The following OR2L13 variants were observed in gnomAD, a reference collection of about 807,000 sequenced individuals.
The protein encoded by OR2L13 is olfactory receptor 2L13.
Under a neutral mutation model 15.3 loss-of-function variants are expected in OR2L13, and 14 were observed. The observed-to-expected ratio is 0.91, with a 90% CI of 0.60 to 1.43. The LOEUF is 1.43. Ranked by LOEUF, OR2L13 falls within the 40% of genes most tolerant of loss-of-function variation. The pLI is 0.00. For missense variants in OR2L13, 367 were observed against 387.9 expected (o/e 0.95, Z 0.45); for synonymous variants, 152 against 142.9 (o/e 1.06, Z -0.45).
At chr1:248,012,331 C>G in the OR2L13 span, among the ~76,000 whole-genome samples, 2 of 152,142 alleles carry the variant, frequency 1.3e-5, no homozygotes, top group Non-Finnish European at 2.9e-5. Context: ...GTCCTGAGAT[C>G]CAGACGGCAG....
At chr1:248,003,075 A>G in the OR2L13 span, 1 of 883,220 alleles carries the variant, frequency 1.1e-6, no homozygotes, top group African/African-American at 1.6e-5. Context: ...GATAAGGATG[A>G]ATTTCTGTCT....
At chr1:247,991,172 G>A in the OR2L13 span, 7 of 1,604,182 alleles carry the variant, frequency 4.4e-6, no homozygotes, top group African/African-American at 2.7e-5. Context: ...GCCCTGACAC[G>A]AGTGATTCAG....
At chr1:248,051,736 A>C in the OR2L13 span, among the ~76,000 whole-genome samples, 2 of 152,120 alleles carry the variant, frequency 1.3e-5, no homozygotes, top group African/African-American at 4.8e-5. Context: ...ATAAAAAAAA[A>C]TCCAAAAATG....
At chr1:248,073,530 T>G in the OR2L13 span, among the ~76,000 whole-genome samples, 2 of 151,860 alleles carry the variant, frequency 1.3e-5, no homozygotes, top group African/African-American at 4.8e-5. Context: ...AATGCTAAAT[T>G]ATGAGTTAAT....
chr1:248,049,943 G>A, the OR2L13 span, among the ~76,000 whole-genome samples: 172 of 152,204 alleles, frequency 1.1e-3, no homozygotes, highest in African/African-American at 3.9e-3. Flanking sequence ...TGTGTTTGTG[G>A]ATCTAGAGGA....
the OR2L13 span, among the ~76,000 whole-genome samples, chr1:247,955,793 T>C: frequency 1.3e-5 from 2 of 152,160 alleles, no homozygotes; most frequent in Non-Finnish European, 2.9e-5. Flanking sequence ...ATGGGATTGT[T>C]TTTTTCTTGT....
At chr1:248,034,308 A>G in the OR2L13 span, among the ~76,000 whole-genome samples, 1 of 152,208 alleles carries the variant, frequency 6.6e-6, no homozygotes, top group Non-Finnish European at 1.5e-5. Context: ...TCTCAAATTC[A>G]TATGGAACCA....
chr1:247,957,125 A>G, the OR2L13 span, among the ~76,000 whole-genome samples: 3 of 143,146 alleles, frequency 2.1e-5, no homozygotes, highest in Non-Finnish European at 3.1e-5. Context: ...TCCCTTCAAT[A>G]CCTAATTTAT....
chr1:248,017,315 G>T, the OR2L13 span, among the ~76,000 whole-genome samples: 1 of 152,196 alleles, frequency 6.6e-6, no homozygotes, highest in East Asian at 1.9e-4. Context: ...TGAAACAGAT[G>T]TATAATGGCT....
chr1:247,975,441 T>C, the OR2L13 span: 1 of 737,462 alleles, frequency 1.4e-6, no homozygotes. Flanking sequence ...ATTCGACCTG[T>C]AGCACCCACC....
chr1:248,084,752 C>G, the OR2L13 span: 1 of 1,181,662 alleles, frequency 8.5e-7, no homozygotes, highest in African/African-American at 1.5e-5. Flanking sequence ...CAGATGGTCT[C>G]ATTCAGGGAC....
upstream of OR2L13, among the ~76,000 whole-genome samples, chr1:248,096,465 A>AGC (rs1371437159): frequency 6.6e-6 from 1 of 151,914 alleles, no homozygotes. Flanking sequence ...CACTATGTGC[A>AGC]GCTCTCAAAC....
At chr1:247,951,030 C>T in the OR2L13 span, among the ~76,000 whole-genome samples, 1 of 151,832 alleles carries the variant, frequency 6.6e-6, no homozygotes, top group South Asian at 2.1e-4. Flanking sequence ...CACATACACT[C>T]TATAATTACA....
At chr1:247,982,104 C>T in the OR2L13 span, among the ~76,000 whole-genome samples, 1,198 of 152,192 alleles carry the variant, frequency 7.9e-3, 17 homozygotes, top group African/African-American at 0.027. Flanking sequence ...CGTGAGCCAC[C>T]GCGCCTGGCC....
chr1:248,088,435 G>A, the OR2L13 span, among the ~76,000 whole-genome samples: 1 of 152,084 alleles, frequency 6.6e-6, no homozygotes, highest in African/African-American at 2.4e-5. Flanking sequence ...TGATCTTCAT[G>A]TTCCTTTCCT....
the OR2L13 span, among the ~76,000 whole-genome samples, chr1:247,982,061 C>T: frequency 1.3e-5 from 2 of 152,266 alleles, no homozygotes; most frequent in East Asian, 1.9e-4. Flanking sequence ...GTGATCCATC[C>T]GCCTCGGCCT....
chr1:248,082,848 C>T, the OR2L13 span, among the ~76,000 whole-genome samples: 1 of 152,110 alleles, frequency 6.6e-6, no homozygotes. Context: ...TAACATTCAG[C>T]ATGATTATGC....
chr1:248,083,558 A>G, the OR2L13 span: 1 of 1,000,586 alleles, frequency 1.0e-6, no homozygotes, highest in East Asian at 2.4e-5. Context: ...TCTGTTCATG[A>G]ACTACTAAAG....
At chr1:247,965,498 G>A in the OR2L13 span, 1 of 1,613,532 alleles carries the variant, frequency 6.2e-7, no homozygotes. Context: ...GCTCTGACAG[G>A]AAATATCATG....
Sources: allele counts gnomAD v4.1 joint callset (sites outside exome capture counted in the v4.1 genomes callset), GRCh38; gene constraint gnomAD v4.1.1; transcripts MANE v1.5; gene names NCBI Gene and HGNC (gene_info 2026-07-23, HGNC 2026-07-21).